The following TEAD1 variants were observed in gnomAD, a reference collection of about 807,000 sequenced individuals.
The protein encoded by TEAD1 is transcriptional enhancer factor TEF-1.
In TEAD1, 9 loss-of-function variants were observed where a neutral mutation model predicts 54.9. That is an observed-to-expected ratio of 0.16 (90% confidence interval 0.10 to 0.29). The LOEUF (loss-of-function observed/expected upper bound fraction) is 0.29, where lower values mean the gene tolerates loss of function less well. Ranked by LOEUF, TEAD1 falls within the 10% of genes least tolerant of loss-of-function variation. The pLI, the probability that TEAD1 is intolerant of heterozygous loss-of-function variation, is 1.00. For missense variants in TEAD1, 387 were observed against 535.9 expected, an observed-to-expected ratio of 0.72 and a Z score of 2.74; for synonymous variants, 200 against 187.8, an observed-to-expected ratio of 1.07 and a Z score of -0.53.
At chr11:12,676,187 G>A (rs1943083143) in intron 2 of TEAD1, among the ~76,000 whole-genome samples, 1 of 152,248 alleles carries the variant, frequency 6.6e-6, no homozygotes, top group Admixed American at 6.5e-5. Flanking sequence ...TACACGTATT[G>A]CAAAGGAGCA....
intron 2 of TEAD1, among the ~76,000 whole-genome samples, chr11:12,757,778 TTTTA>T (rs1302647676): frequency 9.9e-5 from 15 of 152,208 alleles, no homozygotes; most frequent in East Asian, 1.9e-4. Flanking sequence ...TTTTTTTATT[TTTTA>T]TTTATTAATT....
intron 2 of TEAD1, among the ~76,000 whole-genome samples, chr11:12,696,541 A>G (rs142336562): frequency 3.9e-5 from 6 of 152,236 alleles, no homozygotes; most frequent in African/African-American, 9.6e-5. Flanking sequence ...ATGGTTTTCT[A>G]TTTCCTGGTT....
Position 12,902,003 on chromosome 11 carries a change from G to A in TEAD1, c.763G>A (p.Glu255Lys). 6.2e-7 allele frequency: 1 copy of A among 1,614,268 alleles called. No homozygotes were observed. The highest frequency in any genetic ancestry group is 8.5e-7 in the Non-Finnish European group (1 of 1,180,042). Residue 255 changes from glutamate (E) to lysine (K), a missense_variant, in exon 10 of 13, where the codon GAA (glutamate) becomes AAA (lysine). By Grantham distance (56) the Glu-to-Lys change is moderately conservative. This residue lies in a region of TEAD1 where 180 missense variants were observed against 180.6 expected (regional missense o/e 1.00). Coordinates refer to ENST00000527636, the MANE Select transcript of TEAD1 (RefSeq NM_021961.6). ...CCATTCTTACAGTGACCCATTGCTT[G>A]AATCAGTGGACATTCGTCAGATTTA...
intron 3 of TEAD1, among the ~76,000 whole-genome samples, chr11:12,835,271 T>A (rs1353562782): frequency 6.6e-6 from 1 of 152,180 alleles, no homozygotes; most frequent in South Asian, 2.1e-4. Flanking sequence ...TATTACCCAA[T>A]GTAGGTCTAG....
intron 2 of TEAD1, among the ~76,000 whole-genome samples, chr11:12,721,030 A>G (rs1944184706): frequency 6.6e-6 from 1 of 152,102 alleles, no homozygotes; most frequent in Non-Finnish European, 1.5e-5. Flanking sequence ...ACTTTCTTGT[A>G]TTCTTTTATT....
In TEAD1 at chr11:12,881,884, C is replaced by G; in HGVS notation, c.513-12C>G. The G allele has an allele frequency of 1.2e-6, 2 of 1,614,134 alleles. No homozygotes were observed. Among genetic ancestry groups the G allele is most frequent in the South Asian group, 2.2e-5 (2 of 91,086 alleles). On this transcript the variant is annotated splice_polypyrimidine_tract_variant and intron_variant, in intron 7 of 12. Coordinates refer to ENST00000527636, the MANE Select transcript of TEAD1 (RefSeq NM_021961.6). ...GATCTCTTAACTCTGTCTGCCATCT[C>G]TCTGTTCCCAGCGTCAAGCCTTTTG...
At chr11:12,718,280 T>C (rs1050026260) in intron 2 of TEAD1, among the ~76,000 whole-genome samples, 2 of 152,158 alleles carry the variant, frequency 1.3e-5, no homozygotes, top group Non-Finnish European at 2.9e-5. Context: ...TTGCTGGTTG[T>C]GGGACCTCTG....
chr11:12,731,664 T>C (rs1170148099), intron 2 of TEAD1, among the ~76,000 whole-genome samples: 1 of 152,214 alleles, frequency 6.6e-6, no homozygotes, highest in Non-Finnish European at 1.5e-5. Context: ...GTAATAAATA[T>C]CCTCATAGGT....
chr11:12,777,829 A>G (rs1167329777), intron 3 of TEAD1, among the ~76,000 whole-genome samples: 2 of 152,210 alleles, frequency 1.3e-5, no homozygotes, highest in African/African-American at 4.8e-5. Flanking sequence ...CAGTCCCCAT[A>G]TGTCCTTAGA....
At chr11:12,816,835 A>C (rs1767563966) in intron 3 of TEAD1, among the ~76,000 whole-genome samples, 1 of 152,200 alleles carries the variant, frequency 6.6e-6, no homozygotes, top group African/African-American at 2.4e-5. Flanking sequence ...AGTGGGACAC[A>C]GGTGATGATG....
chr11:12,763,971 G>A (rs1564931860), intron 2 of TEAD1, among the ~76,000 whole-genome samples: 1 of 152,150 alleles, frequency 6.6e-6, no homozygotes, highest in South Asian at 2.1e-4. Context: ...TCTCCAGTAG[G>A]AGTTATCCAA....
At chr11:12,685,335 T>C (rs1943310924) in intron 2 of TEAD1, among the ~76,000 whole-genome samples, 1 of 152,186 alleles carries the variant, frequency 6.6e-6, no homozygotes, top group Non-Finnish European at 1.5e-5. Flanking sequence ...AAAATATATT[T>C]AAAAGCACTT....
At chr11:12,923,574 G>T (rs1284783328) in intron 10 of TEAD1, among the ~76,000 whole-genome samples, 1 of 152,178 alleles carries the variant, frequency 6.6e-6, no homozygotes, top group Non-Finnish European at 1.5e-5. Flanking sequence ...ATACTTGAGG[G>T]AAGGCAGCTA....
At chr11:12,702,261 G>A (rs1352647508) in intron 2 of TEAD1, among the ~76,000 whole-genome samples, 3 of 152,122 alleles carry the variant, frequency 2.0e-5, no homozygotes, top group East Asian at 3.9e-4. Context: ...AGGCCACAGC[G>A]GTGCAGGGTA....
At chr11:12,721,941 A>G (rs373577130) in intron 2 of TEAD1, among the ~76,000 whole-genome samples, 10 of 152,282 alleles carry the variant, frequency 6.6e-5, no homozygotes, top group African/African-American at 1.9e-4. Context: ...CCCTGTGCGT[A>G]AGAGTTGCCT....
intron 10 of TEAD1, among the ~76,000 whole-genome samples, chr11:12,919,409 C>A (rs1485480512): frequency 1.3e-5 from 2 of 152,248 alleles, no homozygotes; most frequent in East Asian, 1.9e-4. Context: ...AATCAATTTT[C>A]TTTTTATTAT....
chr11:12,837,584 T>G (rs1946919453), intron 3 of TEAD1, among the ~76,000 whole-genome samples: 1 of 152,188 alleles, frequency 6.6e-6, no homozygotes, highest in South Asian at 2.1e-4. Flanking sequence ...CCTTGGCTTG[T>G]AGATGGCCGT....
chr11:12,837,039 A>G (rs1210646032), intron 3 of TEAD1, among the ~76,000 whole-genome samples: 1 of 152,218 alleles, frequency 6.6e-6, no homozygotes, highest in Non-Finnish European at 1.5e-5. Context: ...CAAGCCCAGC[A>G]AACTCATATA....
chr11:12,919,675 T>A (rs949139830), intron 10 of TEAD1, among the ~76,000 whole-genome samples: 1 of 151,618 alleles, frequency 6.6e-6, no homozygotes, highest in Non-Finnish European at 1.5e-5. Context: ...AAAAAAAAAA[T>A]TATTTGTAGA....
Sources: gnomAD v4.1 joint callset for allele counts (sites outside exome capture counted in the v4.1 genomes callset) on GRCh38, gnomAD v4.1.1 for gene constraint, gnomAD v4.1.1 regional missense constraint, MANE v1.5 for transcripts, NCBI Gene and HGNC (gene_info 2026-07-23, HGNC 2026-07-21) for gene names.